SORCS2: variants seen among roughly 807,000 people sequenced by gnomAD.
SORCS2 encodes the protein sortilin related VPS10 domain containing receptor 2, also known as VPS10 domain-containing receptor SorCS2.
A neutral mutation model predicts 141.6 loss-of-function variants in SORCS2; 100 were observed. The observed-to-expected ratio is 0.71, with a 90% confidence interval of 0.60 to 0.83. The LOEUF is 0.83. Among genes scored for constraint, SORCS2 ranks in the 40% least tolerant of loss-of-function variants. The pLI, the probability that SORCS2 is intolerant of heterozygous loss-of-function variation, is 0.00. For synonymous variants in SORCS2, 789 were observed against 676.9 expected (o/e 1.17, Z -2.57); for missense variants, 1,646 against 1,560.2 (o/e 1.05, Z -0.93).
intron 1 of SORCS2, among the ~76,000 whole-genome samples, chr4:7,328,717 C>T (rs970574804): frequency 6.6e-5 from 10 of 152,212 alleles, no homozygotes; most frequent in Non-Finnish European, 1.5e-4. Context: ...TTCCCTGCTC[C>T]TCACAGCTGC....
intron 4 of SORCS2, among the ~76,000 whole-genome samples, chr4:7,641,477 C>T (rs1202638165): frequency 6.6e-6 from 1 of 152,224 alleles, no homozygotes; most frequent in Admixed American, 6.5e-5. Context: ...CCTCCCTCCA[C>T]ATGTGGGGAT....
chr4:7,527,261 C>A (rs1733754620), intron 2 of SORCS2, among the ~76,000 whole-genome samples: 2 of 152,256 alleles, frequency 1.3e-5, no homozygotes, highest in Admixed American at 1.3e-4. Flanking sequence ...GTCCTAATCC[C>A]CGGAAACTGT....
chr4:7,360,571 C>CTTTTTTTTTTTTTTTTTTTTTTTTTTTTT (rs753548897), intron 1 of SORCS2, among the ~76,000 whole-genome samples: 1 of 49,272 alleles, frequency 2.0e-5, no homozygotes, highest in African/African-American at 9.8e-5. Context: ...CCAGTCCCTT[C>CTTTTTTTTTTTTTTTTTTTTTTTTTTTTT]TTTTTTTTTT....
intron 2 of SORCS2, among the ~76,000 whole-genome samples, chr4:7,424,651 C>T (rs28380507): frequency 0.22 from 33,655 of 152,104 alleles, 4,008 homozygotes; most frequent in Non-Finnish European, 0.25. Flanking sequence ...CCCCGCACTC[C>T]GCAGGGCTCA....
At chr4:7,722,656 C>T (rs1560111412) in intron 18 of SORCS2, among the ~76,000 whole-genome samples, 1 of 152,140 alleles carries the variant, frequency 6.6e-6, no homozygotes, top group African/African-American at 2.4e-5. Context: ...CCACCCTAAT[C>T]CAGTATGACC....
chr4:7,682,924 G>T, intron 10 of SORCS2, 35 bp downstream of exon 10: 1 of 1,601,564 alleles, frequency 6.2e-7, no homozygotes, highest in East Asian at 2.2e-5. Context: ...CACCATCCTT[G>T]GCGTGGATGC....
At chr4:7,387,618 T>C (rs1338457759) in intron 1 of SORCS2, among the ~76,000 whole-genome samples, 11 of 117,456 alleles carry the variant, frequency 9.4e-5, no homozygotes, top group African/African-American at 2.6e-4. Context: ...TGCACACACA[T>C]ACACATTTGC....
intron 19 of SORCS2, among the ~76,000 whole-genome samples, chr4:7,724,910 T>A (rs866218784): frequency 1.1e-4 from 3 of 28,426 alleles, no homozygotes; most frequent in Admixed American, 4.7e-4. Context: ...GGTGATAGTA[T>A]TGGTGGGAAT....
intron 8 of SORCS2, 81 bp from the exon 9 acceptor site, chr4:7,675,969 C>T (rs1033124623): frequency 2.8e-5 from 41 of 1,474,176 alleles, no homozygotes; most frequent in South Asian, 1.3e-4. Flanking sequence ...TGCACCCTCA[C>T]GGCCTGTGCA....
intron 18 of SORCS2, among the ~76,000 whole-genome samples, chr4:7,719,929 C>T (rs1726467703): frequency 6.6e-6 from 1 of 152,128 alleles, no homozygotes; most frequent in African/African-American, 2.4e-5. Context: ...GGAGAGTCAA[C>T]CCCCACCCCA....
chr4:7,226,651 C>T (rs187832340), intron 1 of SORCS2, among the ~76,000 whole-genome samples: 81 of 152,282 alleles, frequency 5.3e-4, no homozygotes, highest in Admixed American at 9.1e-4. Flanking sequence ...CTGTCCCCAG[C>T]TTTCATAGGC....
Position 7,742,777 on chromosome 4 carries a change from C to T in SORCS2, c.*2513C>T, listed in dbSNP as rs192465848. ...CTTCTTATTTTTCCTTTTTAAAAATCGATGAATCATTTGTGATGCTTTTAA... is the reference window on the plus strand; with the variant it reads ...CTTCTTATTTTTCCTTTTTAAAAATTGATGAATCATTTGTGATGCTTTTAA... On this transcript the variant is annotated 3_prime_UTR_variant, in exon 27 of 27. Transcript: ENST00000507866. The T allele has an allele frequency of 9.8e-5, 15 of 152,590 alleles. No individual in the cohort carries two copies. The highest frequency in any genetic ancestry group is 7.8e-4 in the Admixed American group (12 of 15,300). The allele number at this position is 152,590 out of a possible 1,614,324, so 9.5% of individuals were successfully genotyped here. A position where few individuals can be genotyped will look rare whatever the true frequency, so the allele number is the denominator to read the frequency against.
At chr4:7,698,964 C>G (rs1299214084) in intron 12 of SORCS2, among the ~76,000 whole-genome samples, 1 of 152,148 alleles carries the variant, frequency 6.6e-6, no homozygotes, top group Non-Finnish European at 1.5e-5. Flanking sequence ...GTCTCCGTGG[C>G]TTCCTATCGT....
At chr4:7,439,267 A>T (rs2109253369) in intron 2 of SORCS2, among the ~76,000 whole-genome samples, 1 of 152,266 alleles carries the variant, frequency 6.6e-6, no homozygotes, top group Non-Finnish European at 1.5e-5. Flanking sequence ...GTTCATACTG[A>T]TACTTCCAAC....
intron 1 of SORCS2, among the ~76,000 whole-genome samples, chr4:7,280,321 A>C (rs1394025794): frequency 2.6e-5 from 4 of 152,214 alleles, no homozygotes; most frequent in African/African-American, 9.7e-5. Flanking sequence ...ATTTAAAAAA[A>C]TGACTGCACT....
intron 2 of SORCS2, among the ~76,000 whole-genome samples, chr4:7,456,049 C>T (rs1459260334): frequency 6.6e-6 from 1 of 152,120 alleles, no homozygotes; most frequent in Non-Finnish European, 1.5e-5. Context: ...GGCCTCCCTC[C>T]CCGGCTTGCA....
rs541334663 is a variant in SORCS2, at chr4:7,464,190, C to T, written c.549-67340C>T. On this transcript the variant is annotated intron_variant, in intron 2 of 26. Coordinates refer to ENST00000507866, the MANE Select transcript of SORCS2 (RefSeq NM_020777.3). The stretch of plus-strand genomic sequence containing the variant: ...AGGCAGCTTCACCATCAGGCGATGT[C>T]ACAGTGCTGGGATTCAACCTGCAGA... 3.9e-5 allele frequency among the ~76,000 whole-genome samples: 6 copies of T among 152,316 alleles called. No homozygotes were observed. In the South Asian group the frequency reaches 1.2e-3, roughly 32 times the overall value.
chr4:7,737,359 A>C (rs1257572396), intron 26 of SORCS2, 187 bp downstream of exon 26: 6 of 768,938 alleles, frequency 7.8e-6, no homozygotes, highest in African/African-American at 1.8e-5. Flanking sequence ...GGATGACGGG[A>C]CCTGACAGGG....
At chr4:7,690,306 G>C (rs1239165916) in intron 11 of SORCS2, among the ~76,000 whole-genome samples, 1 of 142,898 alleles carries the variant, frequency 7.0e-6, no homozygotes, top group African/African-American at 2.6e-5. Context: ...GGATGATGGT[G>C]AATGGGTGGT....
Sources: allele counts gnomAD v4.1 joint callset (sites outside exome capture counted in the v4.1 genomes callset), GRCh38; gene constraint gnomAD v4.1.1; transcripts MANE v1.5; gene names NCBI Gene and HGNC (gene_info 2026-07-23, HGNC 2026-07-21).